The following CYTH2 variants were observed in gnomAD, a reference collection of about 807,000 sequenced individuals.
The protein encoded by CYTH2 is cytohesin-2.
Under a neutral mutation model 55.4 loss-of-function variants are expected in CYTH2, and 24 were observed. The observed-to-expected ratio is 0.43, with a 90% CI of 0.31 to 0.61. The LOEUF (loss-of-function observed/expected upper bound fraction) is 0.61. Ranked by LOEUF, CYTH2 falls within the 20% of genes least tolerant of loss-of-function variation. The pLI, the probability that CYTH2 is intolerant of heterozygous loss-of-function variation, is 0.08. For synonymous variants in CYTH2, 221 were observed against 209.6 expected (o/e 1.05, Z -0.47); for missense variants, 378 against 533.5 (o/e 0.71, Z 2.87).
Position 48,480,436 on chromosome 19 carries a change from G to C in CYTH2, c.*1226G>C, listed in dbSNP as rs1032678163. The stretch of plus-strand genomic sequence containing the variant: ...TTCGGAATTTCGGGCTTTGATCCCT[G>C]TCCCGCCCTTGGCCACAGGCACCTG... On this transcript the variant is annotated 3_prime_UTR_variant, in exon 12 of 12. Coordinates refer to ENST00000452733, the MANE Select transcript of CYTH2 (RefSeq NM_004228.7). 3.3e-5 allele frequency: 5 copies of C among 152,350 alleles called. No individual in the cohort carries two copies. The highest frequency in any genetic ancestry group is 1.3e-4 in the Admixed American group (2 of 15,300). 9.4% of individuals were successfully genotyped at this position (152,350 alleles called of 1,614,324 possible). A position where few individuals can be genotyped will look rare whatever the true frequency, so the allele number is the denominator to read the frequency against.
intron 1 of CYTH2, chr19:48,469,775 C>A: frequency 1.8e-6 from 1 of 567,544 alleles, no homozygotes; most frequent in Non-Finnish European, 2.9e-6. Flanking sequence ...GTGGTGGAGG[C>A]GAGGCCGGGG....
Position 48,470,463 on chromosome 19 carries a change from A to G in CYTH2, c.130A>G (p.Met44Val), listed in dbSNP as rs765259016. The G allele has an allele frequency of 2.5e-6, 4 of 1,614,134 alleles. No homozygotes were observed. The highest frequency in any genetic ancestry group is 1.1e-5 in the South Asian group (1 of 91,086). Reference sequence around the variant, plus strand: ...CCTGCGGGAGGAGCTCAGTGAAGCCATGAGCGAGGTGGAGGGGCTGGAGGC... The same window carrying G: ...CCTGCGGGAGGAGCTCAGTGAAGCCGTGAGCGAGGTGGAGGGGCTGGAGGC... ...QRLREELSEAMSEVEGLEANE... is the reference protein window; with the variant it reads ...QRLREELSEAVSEVEGLEANE... The change falls in exon 2 of 12, where the codon ATG becomes GTG. Residue 44 changes from methionine to valine, a missense_variant. By Grantham distance (21) the Met-to-Val change is conservative. Transcript: ENST00000452733.
chr19:48,475,989 G>C (rs1971904424), intron 8 of CYTH2: 2 of 519,092 alleles, frequency 3.9e-6, no homozygotes, highest in Non-Finnish European at 7.7e-6. Context: ...GAAGCTTTCA[G>C]CTCAGTGAAG....
intron 8 of CYTH2, chr19:48,477,727 C>T (rs1971945336): frequency 3.0e-6 from 1 of 331,984 alleles, no homozygotes; most frequent in Non-Finnish European, 5.6e-6. Context: ...GAGGTAGGTA[C>T]ACGACCTGTC....
In CYTH2 at chr19:48,473,980, A is replaced by G. The variant is rs1334043471; in HGVS notation, c.510A>G (p.Arg170=). The G allele has an allele frequency of 1.2e-6, 2 of 1,613,682 alleles. No individual in the cohort carries two copies. The highest frequency in any genetic ancestry group is 1.7e-6 in the Non-Finnish European group (2 of 1,179,802). ...IDRMMEAFAQ[R]YCLCNPGVFQ... Reference sequence around the variant, plus strand: ...GGATGATGGAGGCCTTCGCCCAGCGATACTGCCTGTGCAACCCTGGGGTTT... The same window carrying G: ...GGATGATGGAGGCCTTCGCCCAGCGGTACTGCCTGTGCAACCCTGGGGTTT... Residue 170 remains arginine (R), a synonymous_variant, in exon 6 of 12, where the codon CGA becomes CGG. Transcript: ENST00000452733.
Position 48,479,518 on chromosome 19 carries a change from C to G in CYTH2, c.*308C>G, listed in dbSNP as rs983289371. On this transcript the variant is annotated 3_prime_UTR_variant, in exon 12 of 12. Coordinates refer to ENST00000452733, the MANE Select transcript of CYTH2 (RefSeq NM_004228.7). ...CCTGGGCTGTCCCGGTGGGTCTGTTCTGGTTTCACCCCGAGCCCAGCAGGA... is the reference window on the plus strand; with the variant it reads ...CCTGGGCTGTCCCGGTGGGTCTGTTGTGGTTTCACCCCGAGCCCAGCAGGA... 5.2e-6 allele frequency: 2 copies of G among 387,094 alleles called. No individual in the cohort carries two copies. Among genetic ancestry groups the G allele is most frequent in the South Asian group, 3.5e-5 (1 of 28,224 alleles). 24.0% of individuals were successfully genotyped at this position (387,094 alleles called of 1,614,324 possible).
chr19:48,471,503 TC>T (rs1372619367), intron 3 of CYTH2, among the ~76,000 whole-genome samples: 1 of 152,182 alleles, frequency 6.6e-6, no homozygotes, highest in East Asian at 1.9e-4. Context: ...AAGAGTCTGA[TC>T]CTGTGTAGGG....
Position 48,469,409 on chromosome 19 carries a change from G to A in CYTH2, c.-99G>A. ...CGCTGAGGAGGCGGCGGTGGCTCCC[G>A]GGGCGTTTGAGCGGGCTCACCCGAG... On this transcript the variant is annotated 5_prime_UTR_variant, in exon 1 of 12. Transcript: ENST00000452733. 1 of 1,269,830 alleles carries A rather than the reference G, an allele frequency of 7.9e-7. No individual in the cohort carries two copies. Among genetic ancestry groups the A allele is most frequent in the Non-Finnish European group, 1.0e-6 (1 of 991,728 alleles). The allele number at this position is 1,269,830 out of a possible 1,614,324, so 78.7% of individuals were successfully genotyped here. A position where few individuals can be genotyped will look rare whatever the true frequency, so the allele number is the denominator to read the frequency against.
At position 48,474,634 on chromosome 19, in the gene CYTH2, C is replaced by T. The variant is rs1001629518; in HGVS notation, c.697-204C>T. On this transcript the variant is annotated intron_variant, in intron 7 of 11. Coordinates refer to ENST00000452733, the MANE Select transcript of CYTH2 (RefSeq NM_004228.7). This position sits in a 1 kb window ranked among gnomAD's most constrained non-coding sequence, Gnocchi z 4.9. ...TTCTCTGAGGACGTAGCCGGCTCCT[C>T]CACCTATCACCAGGGCATCTCTTCT... 6.6e-6 allele frequency among the ~76,000 whole-genome samples: 1 copy of T among 152,088 alleles called. No individual in the cohort carries two copies. Among genetic ancestry groups the T allele is most frequent in the African/African-American group, 2.4e-5 (1 of 41,410 alleles).
Position 48,474,467 on chromosome 19 carries a change from T to A in CYTH2, c.696+137T>A. On this transcript the variant is annotated intron_variant, in intron 7 of 11. Transcript: ENST00000452733. The surrounding 1 kb of genome is among the most constrained non-coding windows in gnomAD (Gnocchi z 4.9). ...TGCGATCATGCCAACTCGTGTGTGA[T>A]CTTTTTCTCTCTCTCTGGGTGCTTC... 1.1e-6 allele frequency: 1 copy of A among 952,158 alleles called. No homozygotes were observed. Among genetic ancestry groups the A allele is most frequent in the Non-Finnish European group, 1.5e-6 (1 of 661,702 alleles). 59.0% of individuals were successfully genotyped at this position (952,158 alleles called of 1,614,324 possible). A position where few individuals can be genotyped will look rare whatever the true frequency, so the allele number is the denominator to read the frequency against.
At chr19:48,478,235 G>A (rs751073687) in intron 9 of CYTH2, 40 bp from the exon 10 acceptor site, 1 of 1,608,546 alleles carries the variant, frequency 6.2e-7, no homozygotes, top group Non-Finnish European at 8.5e-7. Flanking sequence ...GGTGGGGTGA[G>A]GACTTGGAAG....
At chr19:48,472,046 C>T (rs1443891801) in intron 3 of CYTH2, among the ~76,000 whole-genome samples, 1 of 152,122 alleles carries the variant, frequency 6.6e-6, no homozygotes, top group Non-Finnish European at 1.5e-5. Flanking sequence ...AGAGCGAGAC[C>T]AGGTCTCAGA....
chr19:48,479,273 G>A lies in CYTH2; in HGVS notation c.*63G>A. On this transcript the variant is annotated 3_prime_UTR_variant, in exon 12 of 12. Transcript: ENST00000452733. The stretch of plus-strand genomic sequence containing the variant: ...CCCCGCCTGGGTGGCCGGACCCCTG[G>A]GCCTTGGGGCTGTGGATCCTGGTTC... The A allele has an allele frequency of 6.4e-7, 1 of 1,571,744 alleles. No homozygotes were observed. Among genetic ancestry groups the A allele is most frequent in the Non-Finnish European group, 8.7e-7 (1 of 1,144,134 alleles).
intron 1 of CYTH2, 25 bp from the exon 2 acceptor site, chr19:48,470,328 T>A (rs200443946): frequency 6.3e-7 from 1 of 1,589,382 alleles, no homozygotes; most frequent in African/African-American, 1.3e-5. Flanking sequence ...AGCACTGACT[T>A]TTAAACCTTG....
chr19:48,476,101 A>G lies in CYTH2; in HGVS notation c.808+1152A>G, dbSNP rs2147509891. ...TGGAACTGTGCTCTTAAACCAGGGC[A>G]TCACCACCTCAACAGATGCCAGGGT... On this transcript the variant is annotated intron_variant, in intron 8 of 11. Transcript: ENST00000452733. The G allele has an allele frequency of 1.0e-5, 5 of 494,352 alleles. No individual in the cohort carries two copies. In the East Asian group the frequency reaches 2.3e-4, roughly 23 times the overall value. 30.6% of individuals were successfully genotyped at this position (494,352 alleles called of 1,614,324 possible).
intron 9 of CYTH2, 21 bp downstream of exon 9, chr19:48,478,166 G>T (rs746654142): frequency 1.2e-6 from 2 of 1,613,522 alleles, no homozygotes; most frequent in South Asian, 2.2e-5. Flanking sequence ...CCCGACCCGG[G>T]CTCTGGGGTC....
intron 5 of CYTH2, 172 bp downstream of exon 5, chr19:48,473,550 G>T: frequency 1.5e-6 from 1 of 655,948 alleles, no homozygotes. Context: ...GCCTCCTTCA[G>T]GTATGGCTAT....
Position 48,478,328 on chromosome 19 carries a change from GGAC to G in CYTH2, c.943_945del (p.Asp315del). On this transcript the variant is annotated inframe_deletion, in exon 10 of 12. Coordinates refer to ENST00000452733, the MANE Select transcript of CYTH2 (RefSeq NM_004228.7). ...TGGAGAATCTGAGCATCCGAGAGGT[GGAC>G]GACCCCCGGAAACCGGTAAGACCCT... is the stretch of plus-strand genomic sequence containing the variant. 6.2e-7 allele frequency: 1 copy of G among 1,614,024 alleles called. No homozygotes were observed. Among genetic ancestry groups the G allele is most frequent in the Non-Finnish European group, 8.5e-7 (1 of 1,180,002 alleles).
At position 48,474,068 on chromosome 19, in the gene CYTH2, C is replaced by T. The variant is rs755790296; in HGVS notation, c.547+51C>T. Reference sequence around the variant, plus strand: ...GGGAAAGAGGAGACTGGGGCCCAGACTCCTAGGTCTGAGGGAGGGAGGGGG... The same window carrying T: ...GGGAAAGAGGAGACTGGGGCCCAGATTCCTAGGTCTGAGGGAGGGAGGGGG... On this transcript the variant is annotated intron_variant, in intron 6 of 11. Transcript: ENST00000452733. The surrounding 1 kb of genome is among the most constrained non-coding windows in gnomAD (Gnocchi z 4.9). 1 of 1,558,322 alleles carries T rather than the reference C, an allele frequency of 6.4e-7. No homozygotes were observed.
Sources: gnomAD v4.1 joint callset for allele counts (sites outside exome capture counted in the v4.1 genomes callset) on GRCh38, gnomAD v4.1.1 for gene constraint, Gnocchi (gnomAD v3.1) non-coding constraint, MANE v1.5 for transcripts, NCBI Gene and HGNC (gene_info 2026-07-23, HGNC 2026-07-21) for gene names.